Variants in CNTN5 observed in about 807,000 individuals in gnomAD.
CNTN5 encodes the protein contactin-5.
CNTN5 carries 77 observed loss-of-function variants against 129.1 expected under a neutral mutation model. The observed-to-expected ratio is 0.60, with a 90% CI of 0.50 to 0.72. The LOEUF is 0.72. CNTN5 is among the 30% of genes least tolerant of loss of function. The pLI, the probability that CNTN5 is intolerant of heterozygous loss-of-function variation, is 0.00. For missense variants in CNTN5, 1,478 were observed against 1,328.8 expected, an observed-to-expected ratio of 1.11 and a Z score of -1.75; for synonymous variants, 509 against 465.6, an observed-to-expected ratio of 1.09 and a Z score of -1.20.
chr11:99,201,648 T>G (rs546785015), intron 1 of CNTN5, among the ~76,000 whole-genome samples: 4 of 152,118 alleles, frequency 2.6e-5, no homozygotes, highest in African/African-American at 9.6e-5. Context: ...TGGAATTAGG[T>G]GGGTGCCTAA....
In CNTN5 at chr11:99,135,075, T is replaced by C. The variant is rs531380809; in HGVS notation, c.-210+113805T>C. Among the ~76,000 whole-genome samples the C allele has an allele frequency of 9.2e-5, 14 of 152,308 alleles. No individual in the cohort carries two copies. The South Asian group carries it at 2.9e-3, about 32-fold the overall frequency. ...TAAGCCTTGCAATGTTCTGCGAATTTCTAAGCTTAAAAACCTCTTGTATGT... is the reference window on the plus strand; with the variant it reads ...TAAGCCTTGCAATGTTCTGCGAATTCCTAAGCTTAAAAACCTCTTGTATGT... On this transcript the variant is annotated intron_variant, in intron 1 of 24. Transcript: ENST00000524871.
intron 3 of CNTN5, among the ~76,000 whole-genome samples, chr11:99,577,526 A>C (rs1345454510): frequency 6.6e-6 from 1 of 152,186 alleles, no homozygotes; most frequent in South Asian, 2.1e-4. Flanking sequence ...GCTGTAACTT[A>C]TGCTAATATT....
intron 13 of CNTN5, among the ~76,000 whole-genome samples, chr11:100,080,559 C>G (rs1944321435): frequency 6.6e-6 from 1 of 152,122 alleles, no homozygotes; most frequent in Non-Finnish European, 1.5e-5. Context: ...CTAAAGGACA[C>G]TGTTGCTGAG....
chr11:99,101,456 T>C (rs1866731583), intron 1 of CNTN5, among the ~76,000 whole-genome samples: 1 of 152,158 alleles, frequency 6.6e-6, no homozygotes, highest in Non-Finnish European at 1.5e-5. Flanking sequence ...GCAAGGCAAG[T>C]CCCTTCCACC....
intron 9 of CNTN5, among the ~76,000 whole-genome samples, chr11:100,035,274 C>A (rs1295094389): frequency 6.6e-6 from 1 of 150,720 alleles, no homozygotes; most frequent in Non-Finnish European, 1.5e-5. Flanking sequence ...CCAATTTCAT[C>A]CATGTCCCTA....
At chr11:99,720,523 A>G (rs1943137688) in intron 3 of CNTN5, among the ~76,000 whole-genome samples, 2 of 152,110 alleles carry the variant, frequency 1.3e-5, no homozygotes. Context: ...AAAGCCTTCT[A>G]TGACAAACCC....
At chr11:99,718,208 C>G (rs1466716675) in intron 3 of CNTN5, among the ~76,000 whole-genome samples, 1 of 152,082 alleles carries the variant, frequency 6.6e-6, no homozygotes. Flanking sequence ...GCATTGCCTT[C>G]TATTATGTGT....
chr11:99,748,920 A>G (rs1944145929), intron 3 of CNTN5, among the ~76,000 whole-genome samples: 1 of 152,206 alleles, frequency 6.6e-6, no homozygotes, highest in Non-Finnish European at 1.5e-5. Context: ...CCATCTGAGT[A>G]TCTCTTAGGC....
intron 1 of CNTN5, among the ~76,000 whole-genome samples, chr11:99,241,199 T>G (rs964086609): frequency 4.6e-5 from 7 of 152,182 alleles, no homozygotes; most frequent in African/African-American, 1.7e-4. Flanking sequence ...CCTTAGCAAT[T>G]TATTTCCTTG....
chr11:99,718,898 A>G (rs905848115), intron 3 of CNTN5, among the ~76,000 whole-genome samples: 1 of 152,130 alleles, frequency 6.6e-6, no homozygotes. Context: ...CTGTACTTTC[A>G]ATGTATTTAT....
intron 2 of CNTN5, among the ~76,000 whole-genome samples, chr11:99,384,912 C>A (rs1468657695): frequency 1.3e-5 from 2 of 152,126 alleles, no homozygotes; most frequent in Non-Finnish European, 2.9e-5. Context: ...ACCCCCCTAA[C>A]ACTTTTATAT....
intron 1 of CNTN5, among the ~76,000 whole-genome samples, chr11:99,104,629 T>C (rs200024827): frequency 8.5e-5 from 9 of 106,404 alleles, no homozygotes; most frequent in African/African-American, 2.6e-4. Context: ...TATATATATA[T>C]ACACACACAC....
chr11:99,953,006 C>G (rs1478818988), intron 7 of CNTN5, among the ~76,000 whole-genome samples: 1 of 152,162 alleles, frequency 6.6e-6, no homozygotes, highest in Non-Finnish European at 1.5e-5. Flanking sequence ...GACCCAAAGC[C>G]TCTGATGTGT....
rs936366709 is a variant in CNTN5, at chr11:99,697,736, G to T, written c.56-121808G>T. ...TTTTACAAATATACCTTAATATAAG[G>T]TATCGATAATACTAGAAACCAAGTG... On this transcript the variant is annotated intron_variant, in intron 3 of 24. Transcript: ENST00000524871. 2.6e-5 allele frequency among the ~76,000 whole-genome samples: 4 copies of T among 151,708 alleles called. No homozygotes were observed. In the East Asian group the frequency reaches 5.8e-4, roughly 22 times the overall value.
chr11:99,031,703 A>G (rs977049036), intron 1 of CNTN5, among the ~76,000 whole-genome samples: 4 of 151,906 alleles, frequency 2.6e-5, no homozygotes, highest in African/African-American at 9.7e-5. Context: ...TCTTTGCTCC[A>G]TGTATTTTTC....
chr11:99,373,594 T>A (rs528376242), intron 2 of CNTN5, among the ~76,000 whole-genome samples: 1 of 151,352 alleles, frequency 6.6e-6, no homozygotes, highest in South Asian at 2.1e-4. Flanking sequence ...ATGCCTGTGA[T>A]CCCAGCTACT....
At chr11:99,045,997 G>A (rs954996034) in intron 1 of CNTN5, among the ~76,000 whole-genome samples, 9 of 152,146 alleles carry the variant, frequency 5.9e-5, no homozygotes, top group South Asian at 2.1e-4. Context: ...AATGGAATAT[G>A]TACCCAGGTA....
intron 3 of CNTN5, among the ~76,000 whole-genome samples, chr11:99,791,433 G>C (rs1393388065): frequency 6.6e-6 from 1 of 152,024 alleles, no homozygotes; most frequent in East Asian, 1.9e-4. Context: ...TGTCTACTGT[G>C]TCAAAGAGCA....
rs757216587 is a variant in CNTN5 at position 100,323,645 on chromosome 11, CT to C, written c.2730+15179del. Among the ~76,000 whole-genome samples the C allele has an allele frequency of 1.1e-3, 84 of 76,802 alleles. 1 individual carries two copies. The highest frequency in any genetic ancestry group is 5.6e-3 in the African/African-American group (72 of 12,850). 50.4% of individuals were successfully genotyped at this position (76,802 alleles called of 152,430 possible). On this transcript the variant is annotated intron_variant, in intron 21 of 24. Coordinates refer to ENST00000524871, the MANE Select transcript of CNTN5 (RefSeq NM_014361.4). The stretch of plus-strand genomic sequence containing the variant: ...TATTTATATGTCCTCCTCCCCCCCC[CT>C]TCTTTTCATCACTCTTGATTAAAAG...
Sources: allele counts gnomAD v4.1 joint callset (sites outside exome capture counted in the v4.1 genomes callset), GRCh38; gene constraint gnomAD v4.1.1; transcripts MANE v1.5; gene names NCBI Gene and HGNC (gene_info 2026-07-23, HGNC 2026-07-21).